Variants in LPGAT1 observed in about 807,000 individuals in gnomAD.
The protein encoded by LPGAT1 is lysophosphatidylglycerol acyltransferase 1, also known as acyl-CoA:lysophosphatidylglycerol acyltransferase 1.
A neutral mutation model predicts 47.5 loss-of-function variants in LPGAT1; 11 were observed. The observed-to-expected ratio is 0.23, with a 90% CI of 0.15 to 0.38. The LOEUF (loss-of-function observed/expected upper bound fraction) is 0.38. Ranked by LOEUF, LPGAT1 falls within the 10% of genes least tolerant of loss-of-function variation. LPGAT1 has a pLI of 1.00. For synonymous variants in LPGAT1, 138 were observed against 144.2 expected, an observed-to-expected ratio of 0.96 and a Z score of 0.31; for missense variants, 293 against 439.0, an observed-to-expected ratio of 0.67 and a Z score of 2.97.
intron 4 of LPGAT1, among the ~76,000 whole-genome samples, chr1:211,784,516 A>G (rs973806377): frequency 6.6e-6 from 1 of 151,614 alleles, no homozygotes; most frequent in Non-Finnish European, 1.5e-5. Context: ...AAGAAAAAAG[A>G]AAGAAAATCT....
intron 4 of LPGAT1, among the ~76,000 whole-genome samples, chr1:211,784,923 C>T (rs1248770233): frequency 1.3e-5 from 2 of 151,714 alleles, no homozygotes; most frequent in African/African-American, 2.4e-5. Flanking sequence ...CCTGCCTCAG[C>T]CTCCCGAGTA....
intron 6 of LPGAT1, among the ~76,000 whole-genome samples, chr1:211,755,368 A>T (rs1657396783): frequency 6.6e-6 from 1 of 151,820 alleles, no homozygotes; most frequent in Non-Finnish European, 1.5e-5. Context: ...TAAATAAAAA[A>T]TTTTATAGTA....
chr1:211,809,129 T>C (rs1659871709), intron 2 of LPGAT1, among the ~76,000 whole-genome samples: 1 of 151,632 alleles, frequency 6.6e-6, no homozygotes, highest in Admixed American at 6.6e-5. Context: ...GGCGTCAACC[T>C]GGGAGGTGCA....
chr1:211,801,212 A>C (rs1176768509), intron 2 of LPGAT1, among the ~76,000 whole-genome samples: 3 of 152,212 alleles, frequency 2.0e-5, no homozygotes, highest in Admixed American at 6.5e-5. Flanking sequence ...CCCTCCTGAT[A>C]CTAGGAAGAA....
chr1:211,753,553 T>C (rs1025343935), intron 6 of LPGAT1, among the ~76,000 whole-genome samples: 5 of 152,182 alleles, frequency 3.3e-5, no homozygotes, highest in African/African-American at 1.2e-4. Context: ...CAGTCTTTTT[T>C]ATAGTATGCT....
chr1:211,802,406 G>T (rs1041742199), intron 2 of LPGAT1, among the ~76,000 whole-genome samples: 1 of 151,556 alleles, frequency 6.6e-6, no homozygotes, highest in Non-Finnish European at 1.5e-5. Context: ...GAAAAATAAA[G>T]AATCTGAGGA....
chr1:211,783,650 T>C (rs560730439), intron 4 of LPGAT1, 148 bp from the exon 5 acceptor site: 7 of 587,604 alleles, frequency 1.2e-5, no homozygotes, highest in Non-Finnish European at 1.7e-5. Flanking sequence ...ACTGCCCTTT[T>C]TGACCACAGG....
chr1:211,780,301 G>A (rs1481353410), intron 5 of LPGAT1, among the ~76,000 whole-genome samples: 4 of 152,192 alleles, frequency 2.6e-5, no homozygotes, highest in African/African-American at 9.6e-5. Flanking sequence ...GGTACAACTG[G>A]TGACTACTGT....
At chr1:211,793,050 T>TA (rs1181484309) in intron 3 of LPGAT1, 22 bp downstream of exon 3, 2 of 1,503,278 alleles carry the variant, frequency 1.3e-6, no homozygotes, top group Admixed American at 3.7e-5. Flanking sequence ...GATGTCTATC[T>TA]ACTGCCTTCA....
chr1:211,815,695 A>C (rs1371710446), intron 2 of LPGAT1, among the ~76,000 whole-genome samples: 1 of 151,382 alleles, frequency 6.6e-6, no homozygotes, highest in East Asian at 1.9e-4. Flanking sequence ...CTCAACCACT[A>C]AACTCCTCTC....
Position 211,830,491 on chromosome 1 carries a change from AC to A in LPGAT1, c.-28+81del, listed in dbSNP as rs1660699310. 1 of 1,185,378 alleles carries A rather than the reference AC, an allele frequency of 8.4e-7. No individual in the cohort carries two copies. The highest frequency in any genetic ancestry group is 1.0e-6 in the Non-Finnish European group (1 of 956,954). 73.4% of individuals were successfully genotyped at this position (1,185,378 alleles called of 1,614,324 possible). A position where few individuals can be genotyped will look rare whatever the true frequency, so the allele number is the denominator to read the frequency against. ...CCTCCCCGGGCCACGCGACGACGAC[AC>A]CCCCTTCCCCGCCCCCAGCGCCTCC... On this transcript the variant is annotated intron_variant, in intron 1 of 7. Coordinates refer to ENST00000366997, the MANE Select transcript of LPGAT1 (RefSeq NM_014873.3). The surrounding 1 kb of genome is among the most constrained non-coding windows in gnomAD (Gnocchi z 5.9).
intron 2 of LPGAT1, among the ~76,000 whole-genome samples, chr1:211,813,617 C>T (rs1397183328): frequency 6.6e-6 from 1 of 152,104 alleles, no homozygotes; most frequent in East Asian, 1.9e-4. Flanking sequence ...TAATTGAATA[C>T]AATTTATATA....
At chr1:211,762,735 T>C (rs939249107) in intron 6 of LPGAT1, among the ~76,000 whole-genome samples, 1 of 152,180 alleles carries the variant, frequency 6.6e-6, no homozygotes, top group African/African-American at 2.4e-5. Flanking sequence ...ATAGAGAATA[T>C]ACTACCAAAA....
At chr1:211,806,246 C>T (rs1380874979) in intron 2 of LPGAT1, among the ~76,000 whole-genome samples, 4 of 140,686 alleles carry the variant, frequency 2.8e-5, no homozygotes, top group Middle Eastern at 3.7e-3. Context: ...GGAAACAGGG[C>T]GAGGGTCTGT....
At chr1:211,753,529 G>A (rs1161548434) in intron 6 of LPGAT1, among the ~76,000 whole-genome samples, 1 of 151,616 alleles carries the variant, frequency 6.6e-6, no homozygotes, top group South Asian at 2.1e-4. Flanking sequence ...TTTTTAAAGA[G>A]CTCCTATTGT....
chr1:211,792,711 CTTTTT>C (rs34552405), intron 3 of LPGAT1, among the ~76,000 whole-genome samples: 1 of 104,598 alleles, frequency 9.6e-6, no homozygotes, highest in African/African-American at 3.7e-5. Flanking sequence ...AATTGATTCC[CTTTTT>C]TTTTTTTTTT....
intron 2 of LPGAT1, among the ~76,000 whole-genome samples, chr1:211,822,294 A>G (rs1660389128): frequency 6.6e-6 from 1 of 152,220 alleles, no homozygotes; most frequent in Non-Finnish European, 1.5e-5. Context: ...ATTCAATTAT[A>G]AACTATCTTT....
intron 6 of LPGAT1, among the ~76,000 whole-genome samples, chr1:211,774,619 TGTA>T (rs1210256297): frequency 6.6e-6 from 1 of 152,186 alleles, no homozygotes; most frequent in Non-Finnish European, 1.5e-5. Context: ...ACTACCTATT[TGTA>T]AGACAGGCTC....
At chr1:211,801,545 T>C (rs368627530) in intron 2 of LPGAT1, among the ~76,000 whole-genome samples, 7 of 151,990 alleles carry the variant, frequency 4.6e-5, no homozygotes, top group Admixed American at 2.0e-4. Context: ...ACCTCATCTC[T>C]ACAAAAAAAA....
Sources: gnomAD v4.1 joint callset for allele counts (sites outside exome capture counted in the v4.1 genomes callset) on GRCh38, gnomAD v4.1.1 for gene constraint, Gnocchi (gnomAD v3.1) non-coding constraint, MANE v1.5 for transcripts, NCBI Gene and HGNC (gene_info 2026-07-23, HGNC 2026-07-21) for gene names.